C6: variants seen among roughly 807,000 people sequenced by gnomAD.
C6 encodes the protein complement C6, also known as complement component C6.
A neutral mutation model predicts 112.9 loss-of-function variants in C6; 101 were observed. The observed-to-expected ratio is 0.89, with a 90% CI of 0.76 to 1.06. C6 has a LOEUF of 1.06. Among genes scored for constraint, C6 ranks in the 50% least tolerant of loss-of-function variants. The pLI is 0.00. For synonymous variants in C6, 431 were observed against 384.1 expected (o/e 1.12, Z -1.43); for missense variants, 1,202 against 1,104.6 (o/e 1.09, Z -1.25).
chr5:41,176,747 A>G (rs748309240), intron 7 of C6, 32 bp from the exon 8 acceptor site: 1 of 1,588,224 alleles, frequency 6.3e-7, no homozygotes, highest in Non-Finnish European at 8.6e-7. Context: ...AAAGATGATT[A>G]AAGGTAATGA....
chr5:41,188,330 AG>A (rs1447771674), intron 5 of C6, among the ~76,000 whole-genome samples: 1 of 152,142 alleles, frequency 6.6e-6, no homozygotes, highest in Non-Finnish European at 1.5e-5. Flanking sequence ...GTGAGAAAGA[AG>A]GACAAAGTTC....
At chr5:41,197,819 G>T (rs1163353224) in intron 4 of C6, among the ~76,000 whole-genome samples, 1 of 152,032 alleles carries the variant, frequency 6.6e-6, no homozygotes, top group Non-Finnish European at 1.5e-5. Context: ...TAAGGGGAGA[G>T]ATATTGTAAG....
intron 3 of C6, among the ~76,000 whole-genome samples, chr5:41,200,665 C>G (rs1750941899): frequency 6.6e-6 from 1 of 152,110 alleles, no homozygotes; most frequent in South Asian, 2.1e-4. Context: ...TGTGTAAATG[C>G]TCAACACGGC....
intron 5 of C6, among the ~76,000 whole-genome samples, chr5:41,188,128 G>T (rs1458062184): frequency 6.6e-6 from 1 of 152,126 alleles, no homozygotes; most frequent in Non-Finnish European, 1.5e-5. Context: ...AAGATATTAA[G>T]TGAAATCTCA....
intron 1 of C6, among the ~76,000 whole-genome samples, chr5:41,207,589 T>TA: frequency 6.6e-6 from 1 of 152,108 alleles, no homozygotes; most frequent in East Asian, 1.9e-4. Context: ...TAGTCTCTGA[T>TA]AAAACAGACT....
In C6 at chr5:41,161,831, G is replaced by A. The variant is rs1209123138; in HGVS notation, c.1320C>T (p.Ser440=). 6.2e-7 allele frequency: 1 copy of A among 1,613,546 alleles called. No individual in the cohort carries two copies. The highest frequency in any genetic ancestry group is 1.3e-5 in the African/African-American group (1 of 75,004). The change falls in exon 10 of 18, where the codon TCC becomes TCT. Residue 440 remains serine, a synonymous_variant. Transcript: ENST00000337836. ...TCCTTCCACCTCGAATCAGGGATAT[G>A]GATTTCTCTGCTCCCTGTATAAATG... is the stretch of plus-strand genomic sequence containing the variant. ...EGSFIQGAEK[S]ISLIRGGRSE...
intron 5 of C6, among the ~76,000 whole-genome samples, chr5:41,191,134 T>TTGA: frequency 7.3e-6 from 1 of 136,486 alleles, no homozygotes; most frequent in South Asian, 2.5e-4. Context: ...TGGCACGACC[T>TTGA]CTGCTCACTG....
Position 41,160,344 on chromosome 5 carries a change from T to TA in C6, c.1481dup (p.Arg495LysfsTer34), listed in dbSNP as rs778922374. 2 of 1,613,728 alleles carry TA rather than the reference T, an allele frequency of 1.2e-6. No homozygotes were observed. Among genetic ancestry groups the TA allele is most frequent in the Non-Finnish European group, 1.7e-6 (2 of 1,179,782 alleles). On this transcript the variant is annotated frameshift_variant, in exon 11 of 18. Transcript: ENST00000337836. LOFTEE classifies it high-confidence loss of function. Reference sequence around the variant, plus strand: ...TTGTCACTGCACAGGGGATGTTTCTTACCAAGTCCACGATGGGGGCAAGCT... The same window carrying TA: ...TTGTCACTGCACAGGGGATGTTTCTTAACCAAGTCCACGATGGGGGCAAGCT...
chr5:41,214,613 C>T (rs1160184763), upstream of C6, among the ~76,000 whole-genome samples: 1 of 152,130 alleles, frequency 6.6e-6, no homozygotes, highest in East Asian at 1.9e-4. Context: ...GCTGGGATAG[C>T]AGCTTCACCC....
At chr5:41,218,570 C>T (rs1041892468) in intron 1 of C6, among the ~76,000 whole-genome samples, 2 of 152,038 alleles carry the variant, frequency 1.3e-5, no homozygotes, top group Admixed American at 6.6e-5. Context: ...TGGGTCTATG[C>T]TTTCTTGAAG....
chr5:41,146,302 G>C (rs901696706), intron 17 of C6, among the ~76,000 whole-genome samples: 4 of 152,132 alleles, frequency 2.6e-5, no homozygotes, highest in African/African-American at 9.7e-5. Flanking sequence ...TTACTTTGAA[G>C]TTCTATTTTA....
intron 1 of C6, among the ~76,000 whole-genome samples, chr5:41,260,226 C>A (rs1428482499): frequency 4.0e-5 from 6 of 151,754 alleles, no homozygotes; most frequent in African/African-American, 1.5e-4. Flanking sequence ...TTTCATTTGC[C>A]TAGGCAAATG....
chr5:41,194,828 A>C (rs1750484997), intron 5 of C6, among the ~76,000 whole-genome samples: 1 of 152,160 alleles, frequency 6.6e-6, no homozygotes. Flanking sequence ...TGAATTTAGA[A>C]CCCCTGGTAA....
At chr5:41,217,509 T>C (rs945864104), upstream of C6, among the ~76,000 whole-genome samples, 1 of 152,138 alleles carries the variant, frequency 6.6e-6, no homozygotes, top group African/African-American at 2.4e-5. Flanking sequence ...TAGATTCTCA[T>C]GTGTTTGGCA....
chr5:41,222,437 A>G (rs970843097), intron 1 of C6, among the ~76,000 whole-genome samples: 5 of 151,974 alleles, frequency 3.3e-5, no homozygotes, highest in Non-Finnish European at 7.4e-5. Context: ...TATATTTTTT[A>G]TTTTAATGTA....
intron 4 of C6, among the ~76,000 whole-genome samples, chr5:41,198,933 T>C: frequency 6.6e-6 from 1 of 152,142 alleles, no homozygotes; most frequent in Non-Finnish European, 1.5e-5. Flanking sequence ...TTTTTGTCAA[T>C]TTGTGACATG....
At chr5:41,182,088 T>G (rs1439405547) in intron 6 of C6, among the ~76,000 whole-genome samples, 1 of 152,220 alleles carries the variant, frequency 6.6e-6, no homozygotes. Flanking sequence ...CTCCCAGTGC[T>G]GATCAACTCT....
chr5:41,144,930 G>A (rs1745676576), intron 17 of C6, among the ~76,000 whole-genome samples: 1 of 152,114 alleles, frequency 6.6e-6, no homozygotes, highest in Non-Finnish European at 1.5e-5. Flanking sequence ...GTTTTTTATG[G>A]CTGCATAGCA....
chr5:41,245,451 G>A (rs1204541801), intron 1 of C6, among the ~76,000 whole-genome samples: 1 of 152,110 alleles, frequency 6.6e-6, no homozygotes. Context: ...GAACTCATGG[G>A]TGGAGATTGC....
Sources: allele counts gnomAD v4.1 joint callset (sites outside exome capture counted in the v4.1 genomes callset), GRCh38; gene constraint gnomAD v4.1.1; transcripts MANE v1.5; gene names NCBI Gene and HGNC (gene_info 2026-07-23, HGNC 2026-07-21).